KDM2A: variants seen among roughly 807,000 people sequenced by gnomAD.
KDM2A encodes the protein lysine-specific demethylase 2A.
KDM2A carries 3 observed loss-of-function variants against 137.3 expected under a neutral mutation model. The observed-to-expected ratio is 0.02, with a 90% CI of 0.01 to 0.06. KDM2A has a LOEUF of 0.06. Among genes scored for constraint, KDM2A ranks in the 10% least tolerant of loss-of-function variants. The pLI, the probability that KDM2A is intolerant of heterozygous loss-of-function variation, is 1.00. For synonymous variants in KDM2A, 512 were observed against 541.5 expected (o/e 0.95, Z 0.76); for missense variants, 738 against 1,510.6 (o/e 0.49, Z 8.48).
intron 11 of KDM2A, among the ~76,000 whole-genome samples, chr11:67,229,433 A>C (rs1437376356): frequency 6.6e-6 from 1 of 152,206 alleles, no homozygotes; most frequent in Non-Finnish European, 1.5e-5. Flanking sequence ...AGACTCTTAT[A>C]TGTCTGAAAC....
At position 67,207,506 on chromosome 11, in the gene KDM2A, G is replaced by T. The variant is rs754149469; in HGVS notation, c.308-4G>T. The T allele has an allele frequency of 1.9e-6, 3 of 1,584,028 alleles. No individual in the cohort carries two copies. Among genetic ancestry groups the T allele is most frequent in the South Asian group, 1.1e-5 (1 of 87,204 alleles). ...AGAGATGATCGATGCATCTTTTATG[G>T]CAGGGAGTCGTCGCATGGTGGATGT... On this transcript the variant is annotated splice_polypyrimidine_tract_variant and splice_region_variant and intron_variant, in intron 5 of 20. Coordinates refer to ENST00000529006, the MANE Select transcript of KDM2A (RefSeq NM_012308.3).
chr11:67,216,523 T>C (rs952278944), intron 8 of KDM2A, among the ~76,000 whole-genome samples: 3 of 152,282 alleles, frequency 2.0e-5, no homozygotes, highest in African/African-American at 7.2e-5. Flanking sequence ...ACCCGAGGTT[T>C]ATAGTATTAT....
intron 3 of KDM2A, chr11:67,180,540 A>G (rs1857068583): frequency 4.8e-6 from 1 of 207,710 alleles, no homozygotes; most frequent in South Asian, 1.2e-4. Flanking sequence ...TTTTATGTAT[A>G]TATCTACCCC....
intron 10 of KDM2A, among the ~76,000 whole-genome samples, chr11:67,221,961 A>C (rs980082398): frequency 6.6e-6 from 1 of 151,694 alleles, no homozygotes; most frequent in Non-Finnish European, 1.5e-5. Flanking sequence ...AAAGATGTCT[A>C]TTCTAAAATA....
intron 2 of KDM2A, among the ~76,000 whole-genome samples, chr11:67,134,092 T>G (rs570101623): frequency 6.6e-6 from 1 of 152,300 alleles, no homozygotes; most frequent in South Asian, 2.1e-4. Context: ...AATACTAAGG[T>G]AGACTTTGGG....
chr11:67,247,060 TATATATATA>T (rs1859253438), intron 15 of KDM2A, among the ~76,000 whole-genome samples: 3 of 32,936 alleles, frequency 9.1e-5, no homozygotes, highest in African/African-American at 1.4e-4. Flanking sequence ...TATATATATA[TATATATATA>T]TATTTTTTTT....
At chr11:67,120,345 G>A (rs975601841) in intron 1 of KDM2A, among the ~76,000 whole-genome samples, 1 of 152,228 alleles carries the variant, frequency 6.6e-6, no homozygotes, top group Non-Finnish European at 1.5e-5. Context: ...CTCTGGTCTC[G>A]TAGCAGTTTT....
At chr11:67,125,666 C>T (rs1349952732) in intron 2 of KDM2A, among the ~76,000 whole-genome samples, 2 of 151,444 alleles carry the variant, frequency 1.3e-5, no homozygotes, top group Non-Finnish European at 2.9e-5. Context: ...GTAATCCCAG[C>T]TACTTGGGAG....
At chr11:67,240,212 G>A in intron 12 of KDM2A, 7 of 1,535,146 alleles carry the variant, frequency 4.6e-6, no homozygotes, top group Non-Finnish European at 5.2e-6. Flanking sequence ...TGCCCTATGT[G>A]CTCTGGGAGA....
At chr11:67,248,224 G>A (rs1465642310) in intron 15 of KDM2A, 57 bp from the exon 16 acceptor site, 9 of 1,258,242 alleles carry the variant, frequency 7.2e-6, no homozygotes, top group Non-Finnish European at 1.0e-5. Flanking sequence ...CTGTGTTATT[G>A]TTGGATAAAG....
At chr11:67,190,149 C>T (rs1432449560) in intron 5 of KDM2A, among the ~76,000 whole-genome samples, 1 of 152,138 alleles carries the variant, frequency 6.6e-6, no homozygotes, top group African/African-American at 2.4e-5. Flanking sequence ...GTGGCTGACA[C>T]CTATAATCCC....
intron 12 of KDM2A, among the ~76,000 whole-genome samples, chr11:67,239,280 G>A (rs1858955015): frequency 6.6e-6 from 1 of 152,152 alleles, no homozygotes; most frequent in African/African-American, 2.4e-5. Flanking sequence ...AGTGTGTTGT[G>A]CCTCAGTTGT....
At chr11:67,236,550 C>A (rs575421681) in intron 12 of KDM2A, among the ~76,000 whole-genome samples, 2 of 152,232 alleles carry the variant, frequency 1.3e-5, no homozygotes, top group East Asian at 3.9e-4. Flanking sequence ...TCTGGCGGCC[C>A]AGCTCACTTA....
At chr11:67,152,433 C>G (rs1590727371) in intron 2 of KDM2A, among the ~76,000 whole-genome samples, 1 of 151,450 alleles carries the variant, frequency 6.6e-6, no homozygotes, top group East Asian at 2.0e-4. Context: ...CAAGAGACCT[C>G]ATCTCTACAA....
chr11:67,180,031 G>A (rs1857054254), intron 2 of KDM2A, 48 bp from the exon 3 acceptor site: 1 of 1,572,904 alleles, frequency 6.4e-7, no homozygotes. Context: ...CTTGTAGGTA[G>A]GCATGAAAAA....
At chr11:67,213,009 G>A (rs1858039003) in intron 6 of KDM2A, among the ~76,000 whole-genome samples, 1 of 152,192 alleles carries the variant, frequency 6.6e-6, no homozygotes, top group Non-Finnish European at 1.5e-5. Context: ...ACCGGCGGAT[G>A]CTTGGTTAAA....
intron 2 of KDM2A, among the ~76,000 whole-genome samples, chr11:67,174,821 C>G (rs1324927234): frequency 6.6e-6 from 1 of 151,988 alleles, no homozygotes; most frequent in Non-Finnish European, 1.5e-5. Flanking sequence ...AATACAATTC[C>G]CTGTTAACCC....
At chr11:67,232,487 A>G (rs774218403) in intron 12 of KDM2A, among the ~76,000 whole-genome samples, 4 of 151,994 alleles carry the variant, frequency 2.6e-5, no homozygotes, top group Non-Finnish European at 4.4e-5. Context: ...TTTTATGTTT[A>G]TTTATTTTTT....
At chr11:67,177,827 AT>A (rs1857003126) in intron 2 of KDM2A, among the ~76,000 whole-genome samples, 1 of 152,230 alleles carries the variant, frequency 6.6e-6, no homozygotes, top group Non-Finnish European at 1.5e-5. Context: ...ACACTTTTAC[AT>A]GACTGGCAGC....
Sources: allele counts gnomAD v4.1 joint callset (sites outside exome capture counted in the v4.1 genomes callset), GRCh38; gene constraint gnomAD v4.1.1; transcripts MANE v1.5; gene names NCBI Gene and HGNC (gene_info 2026-07-23, HGNC 2026-07-21).